UGT1A8: variants seen among roughly 807,000 people sequenced by gnomAD.
The protein encoded by UGT1A8 is UDP-glucuronosyltransferase 1A8.
In UGT1A8, 39 loss-of-function variants were observed where a neutral mutation model predicts 45.3. The observed-to-expected ratio is 0.86, with a 90% CI of 0.67 to 1.12. The LOEUF is 1.12. Among genes scored for constraint, UGT1A8 ranks in the 50% most tolerant of loss-of-function variants. UGT1A8 has a pLI of 0.00. For synonymous variants in UGT1A8, 275 were observed against 249.2 expected (o/e 1.10, Z -0.97); for missense variants, 719 against 664.9 (o/e 1.08, Z -0.90).
chr2:233,743,403 G>A (rs1209113802), intron 1 of UGT1A8: 4 of 1,297,134 alleles, frequency 3.1e-6, no homozygotes, highest in South Asian at 1.2e-5. Flanking sequence ...AGGAAGAAAG[G>A]CCCCCACTTC....
chr2:233,684,878 G>A (rs1473461044), intron 1 of UGT1A8, among the ~76,000 whole-genome samples: 1 of 152,092 alleles, frequency 6.6e-6, no homozygotes, highest in Admixed American at 6.5e-5. Context: ...ATATGGGCAG[G>A]GTGTGTCTTG....
chr2:233,677,834 T>TA (rs139390163), intron 1 of UGT1A8, among the ~76,000 whole-genome samples: 5,658 of 151,902 alleles, frequency 0.037, 357 homozygotes, highest in African/African-American at 0.13. Flanking sequence ...TAGATATATG[T>TA]AAAAAAAATC....
At chr2:233,689,804 T>C (rs2074959921) in intron 1 of UGT1A8, 1 of 438,570 alleles carries the variant, frequency 2.3e-6, no homozygotes. Context: ...GTAGTTTCTA[T>C]AGGAAACCAA....
At chr2:233,694,023 A>G (rs2075196025) in intron 1 of UGT1A8, among the ~76,000 whole-genome samples, 1 of 152,122 alleles carries the variant, frequency 6.6e-6, no homozygotes, top group African/African-American at 2.4e-5. Context: ...CACATAGGAG[A>G]CCTGAGGCTG....
At chr2:233,667,668 C>T (rs56738647) in intron 1 of UGT1A8, among the ~76,000 whole-genome samples, 3 of 152,152 alleles carry the variant, frequency 2.0e-5, no homozygotes, top group African/African-American at 4.8e-5. Context: ...CTACAATGAA[C>T]TCAGACAAAT....
intron 1 of UGT1A8, among the ~76,000 whole-genome samples, chr2:233,704,279 G>T (rs1481908490): frequency 9.5e-6 from 1 of 104,872 alleles, no homozygotes; most frequent in African/African-American, 4.5e-5. Context: ...TTTGCATTGA[G>T]TGAATATTTT....
intron 1 of UGT1A8, chr2:233,682,144 A>G: frequency 6.2e-7 from 1 of 1,614,192 alleles, no homozygotes; most frequent in Non-Finnish European, 8.5e-7. Flanking sequence ...TGGGAAGATC[A>G]CTGAATTGCA....
intron 1 of UGT1A8, among the ~76,000 whole-genome samples, chr2:233,700,927 G>T (rs1016140618): frequency 2.6e-5 from 4 of 151,424 alleles, no homozygotes; most frequent in Admixed American, 2.0e-4. Flanking sequence ...CTGTGTCTGT[G>T]TGTGATTGTT....
chr2:233,669,954 G>A (rs1206817830), intron 1 of UGT1A8, among the ~76,000 whole-genome samples: 1 of 151,942 alleles, frequency 6.6e-6, no homozygotes, highest in African/African-American at 2.4e-5. Context: ...CAAAGTGCTG[G>A]GACTACAGGT....
intron 1 of UGT1A8, among the ~76,000 whole-genome samples, chr2:233,665,965 T>A (rs1158750233): frequency 1.3e-5 from 2 of 152,162 alleles, no homozygotes; most frequent in Admixed American, 1.3e-4. Context: ...CCGTTTGCAT[T>A]GCGATAAAGG....
intron 1 of UGT1A8, among the ~76,000 whole-genome samples, chr2:233,638,860 T>C (rs529970469): frequency 6.6e-6 from 1 of 152,318 alleles, no homozygotes; most frequent in South Asian, 2.1e-4. Context: ...CTTTCAAAAT[T>C]AGGCATGACT....
intron 1 of UGT1A8, chr2:233,719,341 G>A (rs188312736): frequency 1.2e-6 from 2 of 1,613,900 alleles, no homozygotes; most frequent in Non-Finnish European, 1.7e-6. Context: ...TTTTTTTGGA[G>A]GTACATTCCA....
chr2:233,758,735 C>T (rs1420217475), intron 1 of UGT1A8, among the ~76,000 whole-genome samples: 1 of 152,162 alleles, frequency 6.6e-6, no homozygotes, highest in Admixed American at 6.5e-5. Context: ...AGCACATCCC[C>T]AAGTATGGCT....
At position 233,704,041 on chromosome 2, in the gene UGT1A8, C is replaced by A. The variant is rs141937060; in HGVS notation, c.856-62993C>A. On this transcript the variant is annotated intron_variant, in intron 1 of 4. Coordinates refer to ENST00000373450, the MANE Select transcript of UGT1A8 (RefSeq NM_019076.5). ...GAGCAGCTGGAACTACAGGTGTGCA[C>A]CAACATGCCTGGCTAATTTTTGTAT... Among the ~76,000 whole-genome samples, 1,273 of 152,104 alleles carry A rather than the reference C, an allele frequency of 8.4e-3. 25 individuals are homozygous for A. Among genetic ancestry groups the A allele is most frequent in the African/African-American group, 0.029 (1,206 of 41,484 alleles).
intron 1 of UGT1A8, among the ~76,000 whole-genome samples, chr2:233,662,425 C>T (rs112203198): frequency 3.1e-4 from 47 of 152,120 alleles, no homozygotes; most frequent in African/African-American, 1.1e-3. Context: ...GGACCAACAC[C>T]GTTGAAACTC....
At chr2:233,675,339 G>A (rs1367325493) in intron 1 of UGT1A8, among the ~76,000 whole-genome samples, 2 of 152,134 alleles carry the variant, frequency 1.3e-5, no homozygotes, top group East Asian at 3.9e-4. Flanking sequence ...AAATAATTCA[G>A]CAGAACATTG....
At position 233,617,835 on chromosome 2, in the gene UGT1A8, CGGT is replaced by C; in HGVS notation, c.134_136del (p.Val45del). 1 of 1,614,000 alleles carries C rather than the reference CGGT, an allele frequency of 6.2e-7. No individual in the cohort carries two copies. The highest frequency in any genetic ancestry group is 8.5e-7 in the Non-Finnish European group (1 of 1,180,000). ...GGGAGTCACTGGTTCACCATGCAGT[CGGT>C]GGTGGAGAAACTTATCCTCAGGGGG... On this transcript the variant is annotated inframe_deletion, in exon 1 of 5. Transcript: ENST00000373450.
intron 1 of UGT1A8, chr2:233,747,578 G>A: frequency 6.3e-7 from 1 of 1,584,344 alleles, no homozygotes; most frequent in Non-Finnish European, 8.7e-7. Flanking sequence ...ATTCATCTTT[G>A]GTCTTTCATA....
intron 1 of UGT1A8, chr2:233,721,856 C>T (rs902057829): frequency 1.4e-5 from 7 of 510,102 alleles, no homozygotes; most frequent in South Asian, 4.2e-5. Context: ...CCCCACTGCT[C>T]GGCCCTGGGC....
Sources: gnomAD v4.1 joint callset for allele counts (sites outside exome capture counted in the v4.1 genomes callset) on GRCh38, gnomAD v4.1.1 for gene constraint, MANE v1.5 for transcripts, NCBI Gene and HGNC (gene_info 2026-07-23, HGNC 2026-07-21) for gene names.